The following DDX10 variants were observed in gnomAD, a reference collection of about 807,000 sequenced individuals.
DDX10 encodes DEAD-box helicase 10, also known as probable ATP-dependent RNA helicase DDX10.
In DDX10, 74 loss-of-function variants were observed where a neutral mutation model predicts 104.3. That is an observed-to-expected ratio of 0.71 (90% CI 0.59 to 0.86). DDX10 has a LOEUF of 0.86. Among genes scored for constraint, DDX10 ranks in the 40% least tolerant of loss-of-function variants. DDX10 has a pLI of 0.00. For missense variants in DDX10, 952 were observed against 1,040.0 expected (o/e 0.92, Z 1.16); for synonymous variants, 351 against 353.4 (o/e 0.99, Z 0.08).
At chr11:108,904,387 AT>A (rs1565314287) in intron 16 of DDX10, among the ~76,000 whole-genome samples, 1 of 152,092 alleles carries the variant, frequency 6.6e-6, no homozygotes, top group African/African-American at 2.4e-5. Context: ...TTTCCCCACT[AT>A]TTAGTGTTTC....
intron 4 of DDX10, among the ~76,000 whole-genome samples, 177 bp from the exon 5 acceptor site, chr11:108,678,136 CTT>C (rs912235423): frequency 5.3e-5 from 8 of 152,042 alleles, no homozygotes; most frequent in African/African-American, 1.9e-4. Context: ...CCTGTAAAGA[CTT>C]TTATTTAGCC....
chr11:108,717,869 T>C (rs531064911), intron 11 of DDX10, among the ~76,000 whole-genome samples: 1 of 152,198 alleles, frequency 6.6e-6, no homozygotes, highest in South Asian at 2.1e-4. Context: ...TTAAAAAATG[T>C]CTTGGATGGC....
chr11:108,809,516 A>T (rs770305748), intron 13 of DDX10, among the ~76,000 whole-genome samples: 1 of 152,210 alleles, frequency 6.6e-6, no homozygotes, highest in Non-Finnish European at 1.5e-5. Flanking sequence ...AAGGGAAGGA[A>T]CAAAATTAAA....
chr11:108,707,070 C>A (rs1446309685), intron 10 of DDX10, among the ~76,000 whole-genome samples: 1 of 152,124 alleles, frequency 6.6e-6, no homozygotes, highest in African/African-American at 2.4e-5. Flanking sequence ...TTATCAACGT[C>A]CCCCACCAGA....
At chr11:108,936,224 A>AT (rs1433208560) in intron 17 of DDX10, among the ~76,000 whole-genome samples, 3 of 152,086 alleles carry the variant, frequency 2.0e-5, no homozygotes, top group East Asian at 3.8e-4. Context: ...TTACATGCTG[A>AT]TTTTTTCTCT....
intron 13 of DDX10, among the ~76,000 whole-genome samples, chr11:108,769,973 G>A (rs956218488): frequency 4.6e-5 from 7 of 152,216 alleles, no homozygotes; most frequent in Non-Finnish European, 8.8e-5. Flanking sequence ...GACAGCATTA[G>A]TTTTGCAAAT....
At chr11:108,692,116 T>C in intron 8 of DDX10, 78 bp downstream of exon 8, 1 of 1,327,944 alleles carries the variant, frequency 7.5e-7, no homozygotes, top group East Asian at 2.4e-5. Flanking sequence ...TTGGGAAATC[T>C]GATAGACTCA....
At chr11:108,748,738 T>A (rs898257261) in intron 13 of DDX10, among the ~76,000 whole-genome samples, 1 of 152,072 alleles carries the variant, frequency 6.6e-6, no homozygotes, top group Admixed American at 6.6e-5. Flanking sequence ...TAGAGTACAG[T>A]GGCATGATCA....
At position 108,665,097 on chromosome 11, in the gene DDX10, C is replaced by G. The variant is rs1191869311; in HGVS notation, c.-57C>G. 1.4e-5 allele frequency: 21 copies of G among 1,513,444 alleles called. 1 individual carries two copies. The South Asian group carries it at 2.5e-4, about 18-fold the overall frequency. The allele number at this position is 1,513,444 out of a possible 1,614,324, so 93.8% of individuals were successfully genotyped here. On this transcript the variant is annotated 5_prime_UTR_variant, in exon 1 of 18. Coordinates refer to ENST00000322536, the MANE Select transcript of DDX10 (RefSeq NM_004398.4). ...TTTGTCCCATGCTGGTTCCGTGAGTCTGGCCTTAGGTGTCTCGTGTCTGGG... is the reference window on the plus strand; with the variant it reads ...TTTGTCCCATGCTGGTTCCGTGAGTGTGGCCTTAGGTGTCTCGTGTCTGGG...
At chr11:108,928,545 C>T (rs773232037) in intron 17 of DDX10, among the ~76,000 whole-genome samples, 2 of 152,148 alleles carry the variant, frequency 1.3e-5, no homozygotes, top group Non-Finnish European at 2.9e-5. Flanking sequence ...ACTGTTAGAA[C>T]AAAGGCAGGC....
intron 16 of DDX10, among the ~76,000 whole-genome samples, chr11:108,877,043 A>G (rs1269890138): frequency 6.6e-6 from 1 of 152,214 alleles, no homozygotes; most frequent in East Asian, 1.9e-4. Context: ...ACAGAGAACA[A>G]AAGGCCAAAG....
At chr11:108,837,584 C>T (rs142131666) in intron 13 of DDX10, among the ~76,000 whole-genome samples, 1 of 94,560 alleles carries the variant, frequency 1.1e-5, no homozygotes, top group Non-Finnish European at 2.1e-5. Context: ...TAAGTGTTTT[C>T]TGCATCTCAC....
intron 13 of DDX10, among the ~76,000 whole-genome samples, chr11:108,814,061 G>T (rs1221448651): frequency 6.6e-6 from 1 of 152,076 alleles, no homozygotes; most frequent in East Asian, 1.9e-4. Flanking sequence ...CACTGTAAGG[G>T]TTTATTTTAT....
chr11:108,698,651 A>T (rs191514180), intron 9 of DDX10, among the ~76,000 whole-genome samples: 20 of 152,280 alleles, frequency 1.3e-4, no homozygotes, highest in Admixed American at 1.2e-3. Context: ...CCTTAGGAAT[A>T]GGGGTGCCCC....
intron 17 of DDX10, among the ~76,000 whole-genome samples, chr11:108,925,252 A>T (rs1033631131): frequency 2.6e-5 from 4 of 152,150 alleles, no homozygotes; most frequent in African/African-American, 9.7e-5. Context: ...CTGGGTTGAG[A>T]TGGGGAAGAC....
At chr11:108,895,959 CCT>C (rs1249313914) in intron 16 of DDX10, among the ~76,000 whole-genome samples, 2 of 152,030 alleles carry the variant, frequency 1.3e-5, no homozygotes, top group African/African-American at 4.8e-5. Context: ...ATATCAACTT[CCT>C]CTTTGTGGCA....
At chr11:108,771,523 CT>C (rs1329924926) in intron 13 of DDX10, among the ~76,000 whole-genome samples, 1 of 151,686 alleles carries the variant, frequency 6.6e-6, no homozygotes, top group African/African-American at 2.4e-5. Context: ...TTTTTTGTAT[CT>C]TTAATAGAGA....
At chr11:108,752,911 T>G (rs2615749) in intron 13 of DDX10, among the ~76,000 whole-genome samples, 152,187 of 152,216 alleles carry the variant, frequency 1, 76,079 homozygotes, top group Middle Eastern at 1. Context: ...GCCACTGCTA[T>G]ACAGTGAATG....
intron 16 of DDX10, among the ~76,000 whole-genome samples, chr11:108,892,469 A>G (rs771817713): frequency 7.2e-5 from 11 of 152,188 alleles, no homozygotes; most frequent in Non-Finnish European, 1.0e-4. Flanking sequence ...CAAACGGACT[A>G]AGACATATGA....
Sources: allele counts gnomAD v4.1 joint callset (sites outside exome capture counted in the v4.1 genomes callset), GRCh38; gene constraint gnomAD v4.1.1; transcripts MANE v1.5; gene names NCBI Gene and HGNC (gene_info 2026-07-23, HGNC 2026-07-21).